PPP2R3A: variants seen among roughly 807,000 people sequenced by gnomAD.
PPP2R3A encodes protein phosphatase 2 regulatory subunit B''alpha.
Under a neutral mutation model 106.9 loss-of-function variants are expected in PPP2R3A, and 80 were observed. The ratio of observed to expected loss-of-function variants is 0.75; its 90% CI spans 0.62 to 0.90. The LOEUF is 0.90. Among genes scored for constraint, PPP2R3A ranks in the 40% least tolerant of loss-of-function variants. The pLI, the probability that PPP2R3A is intolerant of heterozygous loss-of-function variation, is 0.00. For synonymous variants in PPP2R3A, 483 were observed against 468.3 expected (o/e 1.03, Z -0.41); for missense variants, 1,386 against 1,350.4 (o/e 1.03, Z -0.41).
At chr3:136,076,030 G>A (rs1936583814) in intron 6 of PPP2R3A, among the ~76,000 whole-genome samples, 1 of 152,116 alleles carries the variant, frequency 6.6e-6, no homozygotes, top group Admixed American at 6.5e-5. Flanking sequence ...GAGTGGTTGG[G>A]GCCAGTAGAG....
At chr3:135,965,874 C>T (rs1300815802) in intron 1 of PPP2R3A, 25 bp downstream of exon 1, 1 of 151,212 alleles carries the variant, frequency 6.6e-6, no homozygotes, top group East Asian at 2.0e-4. Context: ...ACTGGCCGCA[C>T]GGCCTGGAGC....
chr3:135,965,926 G>T, intron 1 of PPP2R3A, 77 bp downstream of exon 1: 1 of 153,254 alleles, frequency 6.5e-6, no homozygotes, highest in South Asian at 1.9e-4. Flanking sequence ...GGCGAGGCTC[G>T]GGGCGGCGCG....
chr3:136,134,398 A>G (rs936771500), intron 13 of PPP2R3A, among the ~76,000 whole-genome samples: 2 of 152,212 alleles, frequency 1.3e-5, no homozygotes, highest in Non-Finnish European at 2.9e-5. Context: ...GTGTAATCTA[A>G]ACAATTGGCA....
chr3:136,012,978 C>T (rs1934134751), intron 2 of PPP2R3A, among the ~76,000 whole-genome samples: 1 of 152,104 alleles, frequency 6.6e-6, no homozygotes, highest in Admixed American at 6.6e-5. Flanking sequence ...CCCCGAAGTC[C>T]ATTCTGTCAT....
chr3:136,074,142 T>C (rs1936525651), intron 6 of PPP2R3A, among the ~76,000 whole-genome samples: 1 of 152,242 alleles, frequency 6.6e-6, no homozygotes, highest in Non-Finnish European at 1.5e-5. Context: ...TTCTTTCAGT[T>C]TGCATTTGGA....
chr3:135,981,551 CTT>C (rs886819319), intron 1 of PPP2R3A, among the ~76,000 whole-genome samples: 3 of 151,742 alleles, frequency 2.0e-5, no homozygotes, highest in African/African-American at 7.3e-5. Context: ...AGCAATTTGC[CTT>C]CCTCCTTTCT....
chr3:136,074,796 A>G (rs1445571728), intron 6 of PPP2R3A, among the ~76,000 whole-genome samples: 1 of 152,236 alleles, frequency 6.6e-6, no homozygotes, highest in East Asian at 1.9e-4. Context: ...TGACTAAGCT[A>G]TAGTGGAGAC....
intron 9 of PPP2R3A, among the ~76,000 whole-genome samples, chr3:136,089,197 A>G (rs1388009744): frequency 1.3e-5 from 2 of 152,142 alleles, no homozygotes; most frequent in African/African-American, 2.4e-5. Flanking sequence ...GGTTTTTTCT[A>G]GAATTGTTAT....
rs1281706539 is a variant in PPP2R3A at position 136,146,629 on chromosome 3, T to C, written c.*1463T>C. The stretch of plus-strand genomic sequence containing the variant: ...GTTCCCTGTCATTTTATCTTCATGA[T>C]TAGAACTGATCTTCCATTTAACTAT... On this transcript the variant is annotated 3_prime_UTR_variant, in exon 14 of 14. Transcript: ENST00000264977. 2 of 152,220 alleles carry C rather than the reference T, an allele frequency of 1.3e-5. No homozygotes were observed. Among genetic ancestry groups the C allele is most frequent in the Non-Finnish European group, 2.9e-5 (2 of 68,036 alleles). 9.4% of individuals were successfully genotyped at this position (152,220 alleles called of 1,614,324 possible). A position where few individuals can be genotyped will look rare whatever the true frequency, so the allele number is the denominator to read the frequency against.
At chr3:136,013,898 T>G (rs1934183822) in intron 2 of PPP2R3A, among the ~76,000 whole-genome samples, 1 of 152,178 alleles carries the variant, frequency 6.6e-6, no homozygotes, top group Non-Finnish European at 1.5e-5. Flanking sequence ...GGGTCCTTGG[T>G]CATGAAGTCT....
intron 3 of PPP2R3A, among the ~76,000 whole-genome samples, chr3:136,033,715 G>A (rs1178154954): frequency 1.3e-5 from 2 of 151,956 alleles, no homozygotes; most frequent in Admixed American, 6.6e-5. Context: ...GTATTTCTGT[G>A]GTGTCAGTTG....
intron 5 of PPP2R3A, among the ~76,000 whole-genome samples, chr3:136,058,142 C>T (rs116561601): frequency 0.012 from 1,893 of 152,204 alleles, 45 homozygotes; most frequent in African/African-American, 0.043. Flanking sequence ...AAGCATCATA[C>T]TGAATGATCA....
chr3:135,998,237 C>A (rs1017317128), intron 1 of PPP2R3A, among the ~76,000 whole-genome samples: 3 of 152,130 alleles, frequency 2.0e-5, no homozygotes, highest in African/African-American at 7.2e-5. Context: ...TCCTTTTTGT[C>A]TAAGTAGCTC....
chr3:136,104,775 A>G (rs1232454321), intron 12 of PPP2R3A, among the ~76,000 whole-genome samples: 1 of 152,186 alleles, frequency 6.6e-6, no homozygotes, highest in Non-Finnish European at 1.5e-5. Flanking sequence ...TATTCTTGGC[A>G]TAACTAACTC....
chr3:135,966,301 C>G (rs1937082822), intron 1 of PPP2R3A, among the ~76,000 whole-genome samples: 1 of 152,330 alleles, frequency 6.6e-6, no homozygotes, highest in East Asian at 1.9e-4. Context: ...CTGAGGCTTT[C>G]TTTTCCTTCC....
rs948757174 is a variant in PPP2R3A at position 136,122,661 on chromosome 3, C to T, written c.3329+16339C>T. On this transcript the variant is annotated intron_variant, in intron 13 of 13. Transcript: ENST00000264977. Reference sequence around the variant, plus strand: ...ACAAAAAAATCTATTTATACATACACACAGAGAGCATACTATGTAACAAGC... The same window carrying T: ...ACAAAAAAATCTATTTATACATACATACAGAGAGCATACTATGTAACAAGC... Among the ~76,000 whole-genome samples, 3 of 151,672 alleles carry T rather than the reference C, an allele frequency of 2.0e-5. No homozygotes were observed. The East Asian group carries it at 5.8e-4, about 29-fold the overall frequency.
At chr3:136,026,691 C>G in intron 2 of PPP2R3A, 141 bp from the exon 3 acceptor site, 2 of 656,904 alleles carry the variant, frequency 3.0e-6, no homozygotes, top group Middle Eastern at 4.2e-4. Flanking sequence ...TCCCTAGAAA[C>G]ATGCTTACCA....
chr3:136,100,363 T>TTTA (rs138337444), intron 10 of PPP2R3A, among the ~76,000 whole-genome samples: 5 of 150,758 alleles, frequency 3.3e-5, no homozygotes, highest in Admixed American at 6.6e-5. Flanking sequence ...AAAAAGAACT[T>TTTA]TTATTATTAT....
rs752024241 is a variant in PPP2R3A, at chr3:136,145,195, G to A, written c.*29G>A. On this transcript the variant is annotated 3_prime_UTR_variant, in exon 14 of 14. Transcript: ENST00000264977. ...CCGGTGTCTACAATGAAACGAAGATGTGTATTTTAAATGTTTCTTTCTTGT... is the reference window on the plus strand; with the variant it reads ...CCGGTGTCTACAATGAAACGAAGATATGTATTTTAAATGTTTCTTTCTTGT... The A allele has an allele frequency of 6.7e-5, 106 of 1,586,174 alleles. No homozygotes were observed. The highest frequency in any genetic ancestry group is 8.7e-5 in the Non-Finnish European group (102 of 1,170,284).
Sources: allele counts gnomAD v4.1 joint callset (sites outside exome capture counted in the v4.1 genomes callset), GRCh38; gene constraint gnomAD v4.1.1; transcripts MANE v1.5; gene names NCBI Gene and HGNC (gene_info 2026-07-23, HGNC 2026-07-21).